Variants in DHRS4 observed in about 807,000 individuals in gnomAD.
The protein encoded by DHRS4 is dehydrogenase/reductase SDR family member 4.
In DHRS4, 20 loss-of-function variants were observed where a neutral mutation model predicts 28.4. That is an observed-to-expected ratio of 0.71 (90% CI 0.50 to 1.02). The LOEUF (loss-of-function observed/expected upper bound fraction) is 1.02, where lower values mean the gene tolerates loss of function less well. Ranked by LOEUF, DHRS4 falls within the 50% of genes least tolerant of loss-of-function variation. The probability of loss-of-function intolerance (pLI) is 0.00; values close to 1 mark genes in which losing one functional copy is unlikely to be tolerated. For synonymous variants in DHRS4, 144 were observed against 146.4 expected (o/e 0.98, Z 0.12); for missense variants, 378 against 367.2 (o/e 1.03, Z -0.24).
intron 6 of DHRS4, among the ~76,000 whole-genome samples, chr14:23,966,788 C>A (rs1286872964): frequency 3.1e-3 from 474 of 152,262 alleles, no homozygotes; most frequent in African/African-American, 0.011. Context: ...AAGTCTCTCT[C>A]CCCATCCCTC....
chr14:23,956,289 A>T (rs530493523), intron 2 of DHRS4, among the ~76,000 whole-genome samples: 2 of 152,262 alleles, frequency 1.3e-5, no homozygotes, highest in African/African-American at 4.8e-5. Flanking sequence ...AGCACTAACC[A>T]TATGACATGT....
At chr14:23,966,224 T>A in intron 5 of DHRS4, 59 bp from the exon 6 acceptor site, 3 of 1,583,910 alleles carry the variant, frequency 1.9e-6, no homozygotes, top group Non-Finnish European at 1.7e-6. Flanking sequence ...TATGTCTAGT[T>A]ATTAGAACCA....
rs61999766 is a variant in DHRS4, at chr14:23,954,977, A to G, written c.129-58A>G. On this transcript the variant is annotated intron_variant, in intron 1 of 7. Transcript: ENST00000313250. ...GGGCAGTCTTAACTTCAGAGCTCAT[A>G]CTGTCGACCTCTTCCCCTGCACAGG... 1.7e-4 allele frequency: 273 copies of G among 1,604,710 alleles called. 1 individual carries two copies. Among genetic ancestry groups the G allele is most frequent in the African/African-American group, 1.2e-4 (9 of 74,366 alleles).
chr14:23,953,902 G>A lies in DHRS4; in HGVS notation c.114G>A (p.Thr38=). 6.3e-7 allele frequency: 1 copy of A among 1,596,882 alleles called. No homozygotes were observed. ...DPLANKVALV[T]ASTDGIGFAI... ...TCGCAAATAAGGTGGCCCTGGTAAC[G>A]GCCTCCACCGACGGGTGAGTGCTCC... is the stretch of plus-strand genomic sequence containing the variant. Residue 38 remains threonine (T), a synonymous_variant, in exon 1 of 8, where the codon ACG becomes ACA. Transcript: ENST00000313250.
intron 2 of DHRS4, among the ~76,000 whole-genome samples, chr14:23,955,549 T>C (rs529454179): frequency 1.3e-5 from 2 of 152,306 alleles, no homozygotes; most frequent in East Asian, 3.9e-4. Flanking sequence ...CTTCAGCTTA[T>C]AGAGTCAAGT....
chr14:23,963,529 C>T (rs1353517044), intron 3 of DHRS4, among the ~76,000 whole-genome samples: 2 of 148,932 alleles, frequency 1.3e-5, no homozygotes, highest in Non-Finnish European at 3.0e-5. Context: ...TCACCTCTCT[C>T]AGCCTTCAAA....
chr14:23,959,302 G>T (rs373058301), intron 2 of DHRS4, among the ~76,000 whole-genome samples: 1 of 152,180 alleles, frequency 6.6e-6, no homozygotes, highest in Admixed American at 6.5e-5. Context: ...GGTGGGTCGC[G>T]CCTGTAACAC....
rs2033023011 is a variant in DHRS4, at chr14:23,954,697, AC to A, written c.129-335del. The stretch of plus-strand genomic sequence containing the variant: ...TGGGGGCAGGGCTGTTCTGAGTGAG[AC>A]CCTCAAATCACGGAAGTGGCTGCTG... On this transcript the variant is annotated intron_variant, in intron 1 of 7. Coordinates refer to ENST00000313250, the MANE Select transcript of DHRS4 (RefSeq NM_021004.4). 8.5e-5 allele frequency among the ~76,000 whole-genome samples: 13 copies of A among 152,286 alleles called. 1 individual carries two copies. In the South Asian group the frequency reaches 2.7e-3, roughly 32 times the overall value.
At position 23,953,782 on chromosome 14, in the gene DHRS4, C is replaced by A; in HGVS notation, c.-7C>A. 1.2e-6 allele frequency: 2 copies of A among 1,613,986 alleles called. No individual in the cohort carries two copies. The highest frequency in any genetic ancestry group is 8.5e-7 in the Non-Finnish European group (1 of 1,179,940). On this transcript the variant is annotated 5_prime_UTR_variant, in exon 1 of 8. The change creates a new upstream start codon in the 5' untranslated region. Coordinates refer to ENST00000313250, the MANE Select transcript of DHRS4 (RefSeq NM_021004.4). ...AAGAGTGGAACCCATACTTGCTGGT[C>A]TGATCCATGCACAAGGCGGGGCTGC...
chr14:23,964,085 G>A (rs75779656), intron 3 of DHRS4, among the ~76,000 whole-genome samples: 9,387 of 150,448 alleles, frequency 0.062, 313 homozygotes, highest in East Asian at 0.14. Flanking sequence ...ACAGATCACC[G>A]TAACAGATAC....
chr14:23,964,279 AAT>A (rs139417291), intron 3 of DHRS4, among the ~76,000 whole-genome samples: 2,445 of 144,382 alleles, frequency 0.017, 125 homozygotes, highest in African/African-American at 0.062. Flanking sequence ...AGCATAAGAA[AAT>A]ATGTGTCTAT....
intron 3 of DHRS4, among the ~76,000 whole-genome samples, chr14:23,961,544 T>TTTTTC (rs371410675): frequency 1.6e-5 from 2 of 123,578 alleles, no homozygotes; most frequent in South Asian, 5.3e-4. Flanking sequence ...TTTTTTTTTT[T>TTTTTC]CCCTCGCTGT....
intron 2 of DHRS4, among the ~76,000 whole-genome samples, chr14:23,957,367 C>T (rs116454788): frequency 0.017 from 2,426 of 142,632 alleles, 99 homozygotes; most frequent in East Asian, 0.12. Flanking sequence ...ATGGATACTA[C>T]CCAGTGGCCT....
chr14:23,957,661 A>G (rs976786321), intron 2 of DHRS4, among the ~76,000 whole-genome samples: 1 of 149,328 alleles, frequency 6.7e-6, no homozygotes, highest in African/African-American at 2.5e-5. Context: ...AACTCAAGCA[A>G]TCCTCCCACC....
chr14:23,957,285 G>C (rs1471281439), intron 2 of DHRS4, among the ~76,000 whole-genome samples: 1 of 152,146 alleles, frequency 6.6e-6, no homozygotes, highest in African/African-American at 2.4e-5. Context: ...TAGAATACTT[G>C]TCAGCAATTT....
At chr14:23,957,258 G>A (rs375008831) in intron 2 of DHRS4, among the ~76,000 whole-genome samples, 3 of 152,194 alleles carry the variant, frequency 2.0e-5, no homozygotes, top group African/African-American at 7.2e-5. Flanking sequence ...TATGACCATT[G>A]TCAGAGAGGA....
In DHRS4 at chr14:23,961,114, T is replaced by C. The variant is rs532168122; in HGVS notation, c.408+1111T>C. Among the ~76,000 whole-genome samples the C allele has an allele frequency of 3.0e-4, 45 of 151,792 alleles. 1 individual carries two copies. The South Asian group carries it at 9.4e-3, about 32-fold the overall frequency. On this transcript the variant is annotated intron_variant, in intron 3 of 7. Coordinates refer to ENST00000313250, the MANE Select transcript of DHRS4 (RefSeq NM_021004.4). ...TCACACCAGGCCCCACCTGGAACAC[T>C]GGTGATCACATTTCAACATGGGACT...
intron 2 of DHRS4, among the ~76,000 whole-genome samples, chr14:23,959,222 C>T (rs1381258059): frequency 2.6e-5 from 4 of 152,080 alleles, no homozygotes; most frequent in Non-Finnish European, 5.9e-5. Flanking sequence ...AAGAAAAGAG[C>T]GTCAGAGACA....
chr14:23,961,905 C>T (rs1386038819), intron 3 of DHRS4, among the ~76,000 whole-genome samples: 3 of 144,438 alleles, frequency 2.1e-5, no homozygotes, highest in Middle Eastern at 3.3e-3. Flanking sequence ...AGTACAGGCA[C>T]GCCTCAGAGA....
Sources: allele counts gnomAD v4.1 joint callset (sites outside exome capture counted in the v4.1 genomes callset), GRCh38; gene constraint gnomAD v4.1.1; transcripts MANE v1.5; gene names NCBI Gene and HGNC (gene_info 2026-07-23, HGNC 2026-07-21).